PRELID2: variants seen among roughly 807,000 people sequenced by gnomAD.
PRELID2 encodes the protein PRELI domain-containing protein 2.
Under a neutral mutation model 28.4 loss-of-function variants are expected in PRELID2, and 25 were observed. The observed-to-expected ratio is 0.88, with a 90% CI of 0.64 to 1.23. The LOEUF is 1.23. PRELID2 is among the 50% of genes most tolerant of loss of function. The pLI is 0.00. For synonymous variants in PRELID2, 76 were observed against 71.6 expected, an observed-to-expected ratio of 1.06 and a Z score of -0.31; for missense variants, 201 against 214.4, an observed-to-expected ratio of 0.94 and a Z score of 0.39.
At chr5:145,802,821 A>T (rs1753225220) in intron 4 of PRELID2, among the ~76,000 whole-genome samples, 1 of 152,216 alleles carries the variant, frequency 6.6e-6, no homozygotes, top group Non-Finnish European at 1.5e-5. Flanking sequence ...TTATACAGTC[A>T]TTTAAAAATT....
chr5:145,548,563 G>T (rs1234174924), intron 1 of PRELID2, among the ~76,000 whole-genome samples: 3 of 152,010 alleles, frequency 2.0e-5, no homozygotes, highest in African/African-American at 7.3e-5. Flanking sequence ...CTATATTAAA[G>T]AGAATTTGCC....
At chr5:145,667,866 C>T (rs908285589) in intron 1 of PRELID2, among the ~76,000 whole-genome samples, 55 of 152,136 alleles carry the variant, frequency 3.6e-4, no homozygotes, top group Non-Finnish European at 1.0e-4. Context: ...CGTCTAACCT[C>T]AGCCACTGTG....
At chr5:145,369,496 C>A in the PRELID2 span, among the ~76,000 whole-genome samples, 1 of 152,002 alleles carries the variant, frequency 6.6e-6, no homozygotes, top group African/African-American at 2.4e-5. Context: ...GTATATGTAC[C>A]ACATTTTCTT....
chr5:145,434,022 G>A, the PRELID2 span, among the ~76,000 whole-genome samples: 7 of 152,278 alleles, frequency 4.6e-5, no homozygotes, highest in Non-Finnish European at 8.8e-5. Flanking sequence ...TAGATTGCAT[G>A]TTTTCATTAC....
At chr5:145,237,761 T>C in the PRELID2 span, among the ~76,000 whole-genome samples, 1 of 152,084 alleles carries the variant, frequency 6.6e-6, no homozygotes, top group African/African-American at 2.4e-5. Context: ...TTTCTACCAC[T>C]GATAATAAAG....
At chr5:145,536,027 T>G (rs981763228) in intron 1 of PRELID2, among the ~76,000 whole-genome samples, 16 of 151,842 alleles carry the variant, frequency 1.1e-4, no homozygotes, top group African/African-American at 3.9e-4. Flanking sequence ...TAGTTAGAAG[T>G]GCAATGAAAA....
the PRELID2 span, among the ~76,000 whole-genome samples, chr5:145,348,800 G>A: frequency 1.3e-5 from 2 of 152,058 alleles, no homozygotes; most frequent in African/African-American, 4.8e-5. Flanking sequence ...TTGATTTTGT[G>A]TGTAAGCACT....
chr5:145,489,623 C>T (rs1284889135), intron 1 of PRELID2, among the ~76,000 whole-genome samples: 1 of 152,060 alleles, frequency 6.6e-6, no homozygotes, highest in Non-Finnish European at 1.5e-5. Flanking sequence ...ACTGAGCCAC[C>T]CACTATTGCC....
the PRELID2 span, among the ~76,000 whole-genome samples, chr5:145,325,753 A>G: frequency 6.6e-6 from 1 of 152,080 alleles, no homozygotes; most frequent in African/African-American, 2.4e-5. Flanking sequence ...TTGGCAATCT[A>G]TCTTAATTAG....
At chr5:145,325,302 C>G in the PRELID2 span, among the ~76,000 whole-genome samples, 1 of 152,108 alleles carries the variant, frequency 6.6e-6, no homozygotes, top group Admixed American at 6.5e-5. Context: ...ATTTTCCCTA[C>G]AGGGCAAATG....
At chr5:145,777,367 T>C (rs1341298414) in intron 5 of PRELID2, among the ~76,000 whole-genome samples, 3 of 152,078 alleles carry the variant, frequency 2.0e-5, no homozygotes, top group South Asian at 2.1e-4. Context: ...CCACTGCACC[T>C]AGCATGAGAG....
intron 4 of PRELID2, among the ~76,000 whole-genome samples, chr5:145,817,022 C>G (rs1431121957): frequency 1.3e-5 from 2 of 150,326 alleles, no homozygotes; most frequent in African/African-American, 2.4e-5. Context: ...ATTAACAAGG[C>G]ATGGTGACAC....
intron 1 of PRELID2, among the ~76,000 whole-genome samples, chr5:145,651,004 C>T (rs922720430): frequency 2.6e-5 from 4 of 152,152 alleles, no homozygotes; most frequent in African/African-American, 9.7e-5. Flanking sequence ...ATTCGCTTTC[C>T]TAGCCAAGGG....
At chr5:145,631,829 T>A (rs897054148) in intron 1 of PRELID2, among the ~76,000 whole-genome samples, 2 of 152,184 alleles carry the variant, frequency 1.3e-5, no homozygotes, top group East Asian at 1.9e-4. Context: ...GTAGTTTAAC[T>A]CTACAATGTA....
At chr5:145,695,992 A>C (rs1192253978) in intron 1 of PRELID2, among the ~76,000 whole-genome samples, 2 of 152,028 alleles carry the variant, frequency 1.3e-5, no homozygotes, top group African/African-American at 4.8e-5. Context: ...ACATATGTGA[A>C]AGTTTAATCT....
intron 1 of PRELID2, among the ~76,000 whole-genome samples, chr5:145,490,679 C>T (rs1406486368): frequency 6.6e-6 from 1 of 152,132 alleles, no homozygotes; most frequent in African/African-American, 2.4e-5. Flanking sequence ...CATAAGTTTT[C>T]AATTCTCATC....
intron 1 of PRELID2, among the ~76,000 whole-genome samples, chr5:145,690,039 G>T (rs1581060856): frequency 6.8e-6 from 1 of 147,538 alleles, no homozygotes; most frequent in African/African-American, 2.6e-5. Flanking sequence ...GCCCAGGCTG[G>T]AGTGCAATGG....
chr5:145,318,642 C>T, the PRELID2 span, among the ~76,000 whole-genome samples: 1 of 152,162 alleles, frequency 6.6e-6, no homozygotes, highest in Non-Finnish European at 1.5e-5. Flanking sequence ...GGGGAGCATG[C>T]AGATGGGCAG....
At position 145,578,669 on chromosome 5, in the gene PRELID2, G is replaced by A. The variant is rs148129414; in HGVS notation, n.71-105354C>T. 2.9e-3 allele frequency among the ~76,000 whole-genome samples: 438 copies of A among 152,132 alleles called. 1 individual carries two copies. Among genetic ancestry groups the A allele is most frequent in the African/African-American group, 1.0e-2 (415 of 41,538 alleles). On this transcript the variant is annotated intron_variant and non_coding_transcript_variant, in intron 1 of 2. Coordinates refer to the PRELID2 transcript ENST00000510259. ...TTTCACTATACTTTTTATTGCTGACGTTCTAATGCTTCATACTAATAGATC... is the reference window on the plus strand; with the variant it reads ...TTTCACTATACTTTTTATTGCTGACATTCTAATGCTTCATACTAATAGATC...
Sources: allele counts gnomAD v4.1 joint callset (sites outside exome capture counted in the v4.1 genomes callset), GRCh38; gene constraint gnomAD v4.1.1; transcripts MANE v1.5; gene names NCBI Gene and HGNC (gene_info 2026-07-23, HGNC 2026-07-21).